ELAPOR1: variants seen among roughly 807,000 people sequenced by gnomAD.
ELAPOR1 encodes endosome-lysosome associated apoptosis and autophagy regulator 1.
In ELAPOR1, 77 loss-of-function variants were observed where a neutral mutation model predicts 119.7. That is an observed-to-expected ratio of 0.64 (90% CI 0.54 to 0.78). The LOEUF is 0.78. Ranked by LOEUF, ELAPOR1 falls within the 30% of genes least tolerant of loss-of-function variation. The pLI is 0.00. For missense variants in ELAPOR1, 1,115 were observed against 1,270.4 expected, an observed-to-expected ratio of 0.88 and a Z score of 1.86; for synonymous variants, 481 against 487.2, an observed-to-expected ratio of 0.99 and a Z score of 0.17.
intron 1 of ELAPOR1, among the ~76,000 whole-genome samples, chr1:109,135,645 T>C (rs944905708): frequency 1.3e-5 from 2 of 152,210 alleles, no homozygotes; most frequent in Admixed American, 6.5e-5. Context: ...TTAAGCTTTA[T>C]GGAAAGTACA....
At chr1:109,169,358 G>C (rs1021236467) in intron 3 of ELAPOR1, among the ~76,000 whole-genome samples, 3 of 152,068 alleles carry the variant, frequency 2.0e-5, no homozygotes, top group East Asian at 1.9e-4. Flanking sequence ...TCCTGCCTCA[G>C]CCTCCTGAGG....
intron 1 of ELAPOR1, among the ~76,000 whole-genome samples, chr1:109,131,664 G>A (rs1167939179): frequency 4.6e-5 from 7 of 152,236 alleles, no homozygotes; most frequent in South Asian, 2.1e-4. Context: ...TATAATGCAC[G>A]TATATAAGAG....
intron 1 of ELAPOR1, among the ~76,000 whole-genome samples, chr1:109,155,283 C>G (rs914813406): frequency 6.6e-6 from 1 of 151,924 alleles, no homozygotes; most frequent in African/African-American, 2.4e-5. Context: ...TCACGCCATT[C>G]TCCTGCCTCA....
intron 8 of ELAPOR1, among the ~76,000 whole-genome samples, chr1:109,185,405 G>A (rs1011633117): frequency 1.1e-4 from 17 of 150,818 alleles, no homozygotes; most frequent in Non-Finnish European, 2.5e-4. Flanking sequence ...CTCTTGCTTG[G>A]TTTCTTCTAT....
intron 1 of ELAPOR1, among the ~76,000 whole-genome samples, chr1:109,160,743 T>C (rs891763707): frequency 1.3e-5 from 2 of 152,220 alleles, no homozygotes; most frequent in Non-Finnish European, 2.9e-5. Context: ...TTGAATATAG[T>C]TTTAGGTAAG....
intron 10 of ELAPOR1, among the ~76,000 whole-genome samples, 181 bp from the exon 11 acceptor site, chr1:109,189,403 AAAGGTCTT>A (rs1653284818): frequency 6.6e-6 from 1 of 152,232 alleles, no homozygotes; most frequent in Admixed American, 6.5e-5. Flanking sequence ...CGTGCACTTC[AAAGGTCTT>A]GCTCTGAGAG....
chr1:109,145,014 A>G (rs1173330368), intron 1 of ELAPOR1, among the ~76,000 whole-genome samples: 1 of 152,186 alleles, frequency 6.6e-6, no homozygotes, highest in East Asian at 1.9e-4. Flanking sequence ...TTCAAGTGTT[A>G]CCAATGTGAT....
rs797016327 is a variant in ELAPOR1, at chr1:109,183,758, A to T, written c.953-1287A>T. ...CTCAACATCAAGTAGCTGGGACTAT[A>T]GGCCTGCACCACCACGCCCGGCTAA... On this transcript the variant is annotated intron_variant, in intron 7 of 21. Coordinates refer to ENST00000369939, the MANE Select transcript of ELAPOR1 (RefSeq NM_020775.5). 2.0e-5 allele frequency among the ~76,000 whole-genome samples: 3 copies of T among 152,018 alleles called. No individual in the cohort carries two copies. In the South Asian group the frequency reaches 6.2e-4, roughly 32 times the overall value.
At chr1:109,122,795 A>G (rs1648530429) in intron 1 of ELAPOR1, among the ~76,000 whole-genome samples, 1 of 152,124 alleles carries the variant, frequency 6.6e-6, no homozygotes, top group Admixed American at 6.6e-5. Context: ...CATCTCTACT[A>G]AAAATACAAA....
At chr1:109,116,753 T>C (rs980984421) in intron 1 of ELAPOR1, among the ~76,000 whole-genome samples, 1 of 148,408 alleles carries the variant, frequency 6.7e-6, no homozygotes, top group African/African-American at 2.5e-5. Flanking sequence ...TGCAGTGGCA[T>C]GATCTCGGCT....
chr1:109,150,541 C>T (rs1014503904), intron 1 of ELAPOR1, among the ~76,000 whole-genome samples: 4 of 152,144 alleles, frequency 2.6e-5, no homozygotes, highest in East Asian at 1.9e-4. Flanking sequence ...CAACTAATTA[C>T]GTGGGATGAC....
intron 1 of ELAPOR1, among the ~76,000 whole-genome samples, chr1:109,147,714 T>C (rs1650266553): frequency 6.6e-6 from 1 of 152,102 alleles, no homozygotes; most frequent in South Asian, 2.1e-4. Context: ...TGGGGAGATA[T>C]GGGAGATCTC....
chr1:109,195,950 G>T (rs1653768051), intron 15 of ELAPOR1, among the ~76,000 whole-genome samples: 1 of 152,212 alleles, frequency 6.6e-6, no homozygotes, highest in Non-Finnish European at 1.5e-5. Context: ...GAGGTCTGGA[G>T]TTCGAGACCA....
rs188101603 is a variant in ELAPOR1, at chr1:109,121,707, T to G, written c.153+7371T>G. ...CTAGCCTTGTGAAATTTAGACAATT[T>G]CTGCAAATATGGATCTTTCATACTC... On this transcript the variant is annotated intron_variant, in intron 1 of 21. Transcript: ENST00000369939. Among the ~76,000 whole-genome samples the G allele has an allele frequency of 1.5e-3, 228 of 152,098 alleles. 3 individuals carry two copies. The highest frequency in any genetic ancestry group is 0.012 in the Admixed American group (182 of 15,278).
At chr1:109,144,053 A>ATATTTTTTTTTTT (rs1650004030) in intron 1 of ELAPOR1, among the ~76,000 whole-genome samples, 2 of 89,792 alleles carry the variant, frequency 2.2e-5, no homozygotes, top group African/African-American at 5.3e-5. Context: ...ATATATATAT[A>ATATTTTTTTTTTT]TTTATATATT....
intron 5 of ELAPOR1, 103 bp downstream of exon 5, chr1:109,172,671 C>G: frequency 1.3e-6 from 1 of 795,302 alleles, no homozygotes; most frequent in Non-Finnish European, 2.1e-6. Context: ...CCCAATGTCC[C>G]TGGAGGGCAG....
intron 1 of ELAPOR1, among the ~76,000 whole-genome samples, chr1:109,129,076 AT>A (rs71680458): frequency 0.096 from 14,648 of 152,216 alleles, 1,050 homozygotes; most frequent in African/African-American, 0.19. Flanking sequence ...CTCATGGGTC[AT>A]TTGTCATGTT....
chr1:109,173,771 C>T lies in ELAPOR1; in HGVS notation c.886C>T (p.Pro296Ser). 1 of 1,614,072 alleles carries T rather than the reference C, an allele frequency of 6.2e-7. No homozygotes were observed. The highest frequency in any genetic ancestry group is 8.5e-7 in the Non-Finnish European group (1 of 1,180,014). Residue 296 changes from proline (P) to serine (S), a missense_variant, in exon 7 of 22, where the codon CCA (proline) becomes TCA (serine). Coordinates refer to ENST00000369939, the MANE Select transcript of ELAPOR1 (RefSeq NM_020775.5). The stretch of plus-strand genomic sequence containing the variant: ...GGGCTCCTCTTTCTGCAAACTTTGC[C>T]CAGCCAACTCTTATTCAAATAAAGG... ...KQGSSFCKLC[P>S]ANSYSNKGET... is the part of the protein sequence containing the mutation.
chr1:109,162,616 G>A (rs1176571353), intron 2 of ELAPOR1, among the ~76,000 whole-genome samples: 3 of 152,098 alleles, frequency 2.0e-5, no homozygotes, highest in Admixed American at 2.0e-4. Context: ...TATTCTTTTA[G>A]GAATGCAAAG....
Sources: gnomAD v4.1 joint callset for allele counts (sites outside exome capture counted in the v4.1 genomes callset) on GRCh38, gnomAD v4.1.1 for gene constraint, MANE v1.5 for transcripts, NCBI Gene and HGNC (gene_info 2026-07-23, HGNC 2026-07-21) for gene names.